Variants in SLC5A11 observed in about 807,000 individuals in gnomAD.
The protein encoded by SLC5A11 is sodium/myo-inositol cotransporter 2.
In SLC5A11, 48 loss-of-function variants were observed where a neutral mutation model predicts 69.8. That is an observed-to-expected ratio of 0.69 (90% CI 0.55 to 0.87). SLC5A11 has a LOEUF of 0.87. Ranked by LOEUF, SLC5A11 falls within the 40% of genes least tolerant of loss-of-function variation. The pLI is 0.00. For synonymous variants in SLC5A11, 319 were observed against 342.4 expected (o/e 0.93, Z 0.75); for missense variants, 784 against 866.1 (o/e 0.91, Z 1.19).
Position 24,872,156 on chromosome 16 carries a change from G to T in SLC5A11, c.313-4G>T, listed in dbSNP as rs1176963762. 1 of 1,614,130 alleles carries T rather than the reference G, an allele frequency of 6.2e-7. No individual in the cohort carries two copies. Among genetic ancestry groups the T allele is most frequent in the South Asian group, 1.1e-5 (1 of 91,072 alleles). ...CCAAGTCCTGACTGTGTTTTCTTGA[G>T]CAGGGCTTGTTTTCTGTGCTGATGT... On this transcript the variant is annotated splice_polypyrimidine_tract_variant and splice_region_variant and intron_variant, in intron 4 of 15. Transcript: ENST00000347898.
Position 24,907,963 on chromosome 16 carries a change from G to A in SLC5A11, c.1266G>A (p.Arg422=), listed in dbSNP as rs563685038. ...TTGTGCCTCTCGCCGCCGGCACCAGGGTGTTTGTGCTGCTGCTGGTCCTGG... is the reference window on the plus strand; with the variant it reads ...TTGTGCCTCTCGCCGCCGGCACCAGAGTGTTTGTGCTGCTGCTGGTCCTGG... The change falls in exon 13 of 16, where the codon AGG becomes AGA. Residue 422 remains arginine (R), a splice_region_variant and synonymous_variant. Coordinates refer to ENST00000347898, the Ensembl canonical transcript of SLC5A11. 4 of 1,614,052 alleles carry A rather than the reference G, an allele frequency of 2.5e-6. No individual in the cohort carries two copies. The South Asian group carries it at 4.4e-5, about 18-fold the overall frequency.
intron 7 of SLC5A11, among the ~76,000 whole-genome samples, chr16:24,878,355 C>T (rs551958350): frequency 6.6e-6 from 1 of 152,310 alleles, no homozygotes; most frequent in East Asian, 1.9e-4. Flanking sequence ...CGCCTCATAC[C>T]TGTATCCTAG....
intron 1 of SLC5A11, among the ~76,000 whole-genome samples, chr16:24,855,671 A>AAAATAAATAAATAAAT (rs58100997): frequency 1.5e-4 from 23 of 150,098 alleles, no homozygotes; most frequent in African/African-American, 5.4e-4. Flanking sequence ...ACCTTGTCTC[A>AAAATAAATAAATAAAT]AAATAAATAA....
exon 4 of SLC5A11, chr16:24,869,932 G>A (rs1164487784): frequency 1.2e-6 from 2 of 1,614,158 alleles, no homozygotes; most frequent in East Asian, 2.2e-5. Flanking sequence ...AGCAATGTTG[G>A]AAGTGGACAT....
At chr16:24,848,248 A>G (rs914349330) in intron 1 of SLC5A11, among the ~76,000 whole-genome samples, 8 of 152,308 alleles carry the variant, frequency 5.3e-5, no homozygotes, top group Admixed American at 2.0e-4. Flanking sequence ...AGATGTTTTG[A>G]GCAGGAAAAT....
chr16:24,893,437 C>T (rs1322746390), intron 9 of SLC5A11, among the ~76,000 whole-genome samples: 1 of 151,956 alleles, frequency 6.6e-6, no homozygotes, highest in Non-Finnish European at 1.5e-5. Flanking sequence ...AGGAAAAAGC[C>T]GTTTGTAAAA....
In SLC5A11 at chr16:24,852,342, G is replaced by A. The variant is rs945218075; in HGVS notation, c.-25+5904G>A. Among the ~76,000 whole-genome samples the A allele has an allele frequency of 7.0e-4, 106 of 152,196 alleles. 3 individuals carry two copies. Among genetic ancestry groups the A allele is most frequent in the Middle Eastern group, 3.4e-3 (1 of 294 alleles). ...GGAAATTTTTCACATCTCCTGGGGC[G>A]TGGAAAATTTTCACATCTACCATAG... On this transcript the variant is annotated intron_variant, in intron 1 of 15. Transcript: ENST00000347898.
intron 1 of SLC5A11, among the ~76,000 whole-genome samples, chr16:24,857,646 G>T (rs1400260049): frequency 6.6e-6 from 1 of 152,142 alleles, no homozygotes; most frequent in Non-Finnish European, 1.5e-5. Flanking sequence ...TCCTTCTCAT[G>T]CTGTCATCTC....
intron 8 of SLC5A11, 28 bp downstream of exon 9, chr16:24,884,159 C>T (rs371024242): frequency 4.4e-6 from 7 of 1,600,470 alleles, no homozygotes; most frequent in Non-Finnish European, 5.1e-6. Context: ...GTCACTGGGG[C>T]GGACAACAGC....
At chr16:24,898,976 C>A (rs771682848) in intron 10 of SLC5A11, among the ~76,000 whole-genome samples, 9 of 152,066 alleles carry the variant, frequency 5.9e-5, no homozygotes, top group Non-Finnish European at 1.2e-4. Context: ...ACTACCACAC[C>A]TGGCTATTTT....
At chr16:24,862,630 G>T (rs1464438045) in exon 3 of SLC5A11, 1 of 1,613,572 alleles carries the variant, frequency 6.2e-7, no homozygotes, top group Middle Eastern at 1.7e-4. Context: ...GAGACACAGT[G>T]AAAGGCTACT....
chr16:24,908,721 T>C (rs1466694955), intron 13 of SLC5A11, among the ~76,000 whole-genome samples, 160 bp from the exon 15 acceptor site: 2 of 152,018 alleles, frequency 1.3e-5, no homozygotes, highest in Non-Finnish European at 2.9e-5. Flanking sequence ...CAATTCATTA[T>C]AAAAAGATAA....
intron 12 of SLC5A11, 38 bp from the exon 14 acceptor site, chr16:24,907,925 A>AGG (rs72212532): frequency 6.7e-7 from 1 of 1,502,082 alleles, no homozygotes; most frequent in Non-Finnish European, 8.9e-7. Flanking sequence ...GTAAATGTTC[A>AGG]GATGATGCTA....
intron 1 of SLC5A11, among the ~76,000 whole-genome samples, chr16:24,855,062 T>C (rs2059467933): frequency 6.6e-6 from 1 of 151,950 alleles, no homozygotes; most frequent in South Asian, 2.1e-4. Flanking sequence ...GCTCCTGGGC[T>C]CAAGTGATCC....
In SLC5A11 at chr16:24,878,660, G is replaced by A. The variant is rs375359078; in HGVS notation, c.583+1297G>A. 5.9e-5 allele frequency among the ~76,000 whole-genome samples: 9 copies of A among 152,262 alleles called. No individual in the cohort carries two copies. In the South Asian group the frequency reaches 1.7e-3, roughly 28 times the overall value. On this transcript the variant is annotated intron_variant, in intron 7 of 15. Transcript: ENST00000347898. ...TGCCAGACATCATGCCAGGGAGTGA[G>A]GCACAGATGTAAGCAAGACAAATAT...
intron 1 of SLC5A11, among the ~76,000 whole-genome samples, chr16:24,849,584 AAAAAAAAAAATATATAT>A (rs2059179872): frequency 8.9e-6 from 1 of 112,148 alleles, no homozygotes; most frequent in Non-Finnish European, 1.9e-5. Context: ...AAAAAAAAAA[AAAAAAAAAAATATATAT>A]ATATATATAT....
intron 8 of SLC5A11, among the ~76,000 whole-genome samples, chr16:24,885,141 T>C (rs2048314968): frequency 6.6e-6 from 1 of 152,194 alleles, no homozygotes; most frequent in Non-Finnish European, 1.5e-5. Flanking sequence ...GGTGATCCTG[T>C]CTTTGTTTTG....
At chr16:24,872,072 C>A in intron 4 of SLC5A11, 88 bp from the exon 6 acceptor site, 1 of 1,489,178 alleles carries the variant, frequency 6.7e-7, no homozygotes, top group Non-Finnish European at 9.4e-7. Flanking sequence ...GGAGTTCAGG[C>A]CAGGCTGCCT....
At chr16:24,876,346 C>G (rs974971880) in intron 6 of SLC5A11, among the ~76,000 whole-genome samples, 3 of 152,114 alleles carry the variant, frequency 2.0e-5, no homozygotes, top group Non-Finnish European at 4.4e-5. Context: ...CCCTGCCAAC[C>G]CTTGGATAGG....
Sources: gnomAD v4.1 joint callset for allele counts (sites outside exome capture counted in the v4.1 genomes callset) on GRCh38, gnomAD v4.1.1 for gene constraint, MANE v1.5 for transcripts, NCBI Gene and HGNC (gene_info 2026-07-23, HGNC 2026-07-21) for gene names.